Variants in EPB41L4A observed in about 807,000 individuals in gnomAD.
EPB41L4A encodes the protein band 4.1-like protein 4A.
Under a neutral mutation model 108.6 loss-of-function variants are expected in EPB41L4A, and 100 were observed. The ratio of observed to expected loss-of-function variants is 0.92; its 90% CI spans 0.78 to 1.09. EPB41L4A has a LOEUF of 1.09. EPB41L4A is among the 50% of genes least tolerant of loss of function. The pLI is 0.00. For missense variants in EPB41L4A, 1,030 were observed against 842.7 expected, an observed-to-expected ratio of 1.22 and a Z score of -2.75; for synonymous variants, 319 against 289.0, an observed-to-expected ratio of 1.10 and a Z score of -1.05.
chr5:112,382,998 G>A (rs1303523400), intron 1 of EPB41L4A, among the ~76,000 whole-genome samples: 1 of 152,178 alleles, frequency 6.6e-6, no homozygotes, highest in African/African-American at 2.4e-5. Flanking sequence ...ATGACCCTTT[G>A]AGAAGCTAGA....
chr5:112,190,862 A>C (rs1364325110), intron 17 of EPB41L4A, among the ~76,000 whole-genome samples: 1 of 150,470 alleles, frequency 6.6e-6, no homozygotes, highest in African/African-American at 2.4e-5. Flanking sequence ...CTAGGGAGAG[A>C]GGGAATTCAA....
chr5:112,205,300 C>T, intron 14 of EPB41L4A, 121 bp downstream of exon 14: 1 of 845,530 alleles, frequency 1.2e-6, no homozygotes, highest in South Asian at 1.4e-5. Flanking sequence ...TTAGAGTCTG[C>T]CCACTTTATC....
chr5:112,276,740 G>A (rs1048699421), intron 3 of EPB41L4A, among the ~76,000 whole-genome samples: 1 of 152,042 alleles, frequency 6.6e-6, no homozygotes, highest in Admixed American at 6.5e-5. Flanking sequence ...AAGAATAAAG[G>A]TATCATGTAT....
intron 2 of EPB41L4A, among the ~76,000 whole-genome samples, chr5:112,283,544 C>T (rs981856725): frequency 2.6e-5 from 4 of 152,094 alleles, no homozygotes; most frequent in Non-Finnish European, 5.9e-5. Context: ...AAAAAGGGCA[C>T]AAAAAATTGC....
chr5:112,317,704 T>C (rs1342736580), intron 1 of EPB41L4A, among the ~76,000 whole-genome samples: 2 of 152,244 alleles, frequency 1.3e-5, no homozygotes, highest in Non-Finnish European at 2.9e-5. Flanking sequence ...TTAAGCTAGA[T>C]ATCATAGTTG....
intron 18 of EPB41L4A, chr5:112,173,513 A>G (rs1760704010): frequency 6.7e-6 from 1 of 150,340 alleles, no homozygotes; most frequent in Non-Finnish European, 1.5e-5. Context: ...AGCCAGGAGA[A>G]TTTCTTACCT....
intron 2 of EPB41L4A, among the ~76,000 whole-genome samples, chr5:112,297,420 T>A (rs1034259730): frequency 1.3e-5 from 2 of 152,184 alleles, no homozygotes; most frequent in Non-Finnish European, 2.9e-5. Context: ...CATGTATTTG[T>A]TACCATTTGT....
At chr5:112,150,237 T>C (rs2112801428) in intron 12 of EPB41L4A, among the ~76,000 whole-genome samples, 1 of 151,916 alleles carries the variant, frequency 6.6e-6, no homozygotes, top group East Asian at 1.9e-4. Context: ...ACTCAAATGG[T>C]TATCACAAAT....
chr5:112,331,224 G>A lies in EPB41L4A; in HGVS notation c.100-23734C>T, dbSNP rs192865628. Among the ~76,000 whole-genome samples, 10 of 152,288 alleles carry A rather than the reference G, an allele frequency of 6.6e-5. No homozygotes were observed. In the East Asian group the frequency reaches 1.9e-3, roughly 29 times the overall value. ...ACTCCATCTTCCTCACAGGTTTGTTGTGAAGGTCAATTTGTGCCAAAAACC... is the reference window on the plus strand; with the variant it reads ...ACTCCATCTTCCTCACAGGTTTGTTATGAAGGTCAATTTGTGCCAAAAACC... On this transcript the variant is annotated intron_variant, in intron 1 of 22. Transcript: ENST00000261486.
chr5:112,168,896 G>A (rs1186586373), intron 21 of EPB41L4A, 76 bp from the exon 22 acceptor site: 5 of 1,490,428 alleles, frequency 3.4e-6, no homozygotes, highest in Middle Eastern at 1.7e-4. Context: ...GAGAACTACA[G>A]TGTAGATATA....
intron 9 of EPB41L4A, among the ~76,000 whole-genome samples, chr5:112,249,859 C>A (rs902604945): frequency 1.3e-5 from 2 of 152,108 alleles, no homozygotes; most frequent in African/African-American, 2.4e-5. Context: ...ACCTTTAATG[C>A]GCTAATATGT....
At position 112,307,514 on chromosome 5, in the gene EPB41L4A, A is replaced by T. The variant is rs1580653707; in HGVS notation, c.100-24T>A. 2.0e-6 allele frequency: 3 copies of T among 1,522,044 alleles called. No individual in the cohort carries two copies. In the East Asian group the frequency reaches 6.8e-5, roughly 34 times the overall value. The allele number at this position is 1,522,044 out of a possible 1,614,324, so 94.3% of individuals were successfully genotyped here. A position where few individuals can be genotyped will look rare whatever the true frequency, so the allele number is the denominator to read the frequency against. The stretch of plus-strand genomic sequence containing the variant: ...TTCTGCAAAAATAATTCAGTTTTAT[A>T]TTTTTTAACTGCCCTTTTGTTCCTA... On this transcript the variant is annotated intron_variant, in intron 1 of 22. Transcript: ENST00000261486.
intron 1 of EPB41L4A, among the ~76,000 whole-genome samples, chr5:112,351,654 C>T (rs1758051208): frequency 6.6e-6 from 1 of 151,776 alleles, no homozygotes; most frequent in African/African-American, 2.4e-5. Context: ...AGACAAGGAC[C>T]CAGCAACAAA....
chr5:112,143,045 T>C (rs1759121946), exon 14 of EPB41L4A: 1 of 152,156 alleles, frequency 6.6e-6, no homozygotes, highest in Non-Finnish European at 1.5e-5. Context: ...TCCACTCTTG[T>C]GTGCCCAGGT....
intron 1 of EPB41L4A, among the ~76,000 whole-genome samples, chr5:112,322,613 A>G (rs1247203504): frequency 6.6e-6 from 1 of 152,064 alleles, no homozygotes; most frequent in Non-Finnish European, 1.5e-5. Flanking sequence ...TGTGCCGGTG[A>G]GCCAAACTGC....
rs116462721 is a variant in EPB41L4A, at chr5:112,156,056, A to G, written n.994+2345T>C. ...TGAAATGACAAGTTTTGTTTCTTCCAGAAATGCAAAATTGGTTTAATATCA... is the reference window on the plus strand; with the variant it reads ...TGAAATGACAAGTTTTGTTTCTTCCGGAAATGCAAAATTGGTTTAATATCA... On this transcript the variant is annotated intron_variant and non_coding_transcript_variant, in intron 12 of 13. Transcript: ENST00000507810. Among the ~76,000 whole-genome samples the G allele has an allele frequency of 1.9e-3, 286 of 152,336 alleles. 1 individual carries two copies. Among genetic ancestry groups the G allele is most frequent in the African/African-American group, 6.3e-3 (263 of 41,586 alleles).
intron 4 of EPB41L4A, among the ~76,000 whole-genome samples, chr5:112,274,013 G>A (rs1198329882): frequency 6.6e-6 from 1 of 151,986 alleles, no homozygotes; most frequent in Non-Finnish European, 1.5e-5. Flanking sequence ...GTCTACGCTG[G>A]CACAGTGACT....
At chr5:112,255,921 C>A in intron 9 of EPB41L4A, among the ~76,000 whole-genome samples, 1 of 152,106 alleles carries the variant, frequency 6.6e-6, no homozygotes, top group Non-Finnish European at 1.5e-5. Context: ...CCCCACCTCA[C>A]CTGATGATAG....
intron 1 of EPB41L4A, among the ~76,000 whole-genome samples, chr5:112,406,010 T>C (rs1415801479): frequency 6.6e-6 from 1 of 152,208 alleles, no homozygotes; most frequent in East Asian, 1.9e-4. Flanking sequence ...TCACATAGCA[T>C]TGGTCCAGAC....
Sources: allele counts gnomAD v4.1 joint callset (sites outside exome capture counted in the v4.1 genomes callset), GRCh38; gene constraint gnomAD v4.1.1; transcripts MANE v1.5; gene names NCBI Gene and HGNC (gene_info 2026-07-23, HGNC 2026-07-21).